The following C2orf76 variants were observed in gnomAD, a reference collection of about 807,000 sequenced individuals.
C2orf76 encodes chromosome 2 open reading frame 76, also known as UPF0538 protein C2orf76.
Under a neutral mutation model 16.9 loss-of-function variants are expected in C2orf76, and 23 were observed. That is an observed-to-expected ratio of 1.36 (90% CI 0.98 to 1.93). The LOEUF (loss-of-function observed/expected upper bound fraction) is 1.93, where lower values mean the gene tolerates loss of function less well. Among genes scored for constraint, C2orf76 ranks in the 30% most tolerant of loss-of-function variants. C2orf76 has a pLI of 0.00. For missense variants in C2orf76, 152 were observed against 152.6 expected (o/e 1.00, Z 0.02); for synonymous variants, 48 against 52.3 (o/e 0.92, Z 0.35).
At chr2:119,315,146 G>T (rs764993523) in intron 4 of C2orf76, among the ~76,000 whole-genome samples, 1 of 151,728 alleles carries the variant, frequency 6.6e-6, no homozygotes, top group Non-Finnish European at 1.5e-5. Context: ...AAATTATTCC[G>T]ACTTTATAAA....
the C2orf76 span, among the ~76,000 whole-genome samples, chr2:119,292,937 A>C: frequency 6.6e-6 from 1 of 150,704 alleles, no homozygotes; most frequent in Admixed American, 6.6e-5. Flanking sequence ...CAGGAGGCTG[A>C]GGCAGGAGAA....
intron 1 of C2orf76, among the ~76,000 whole-genome samples, chr2:119,365,677 C>T (rs987619657): frequency 6.6e-6 from 1 of 152,096 alleles, no homozygotes; most frequent in Non-Finnish European, 1.5e-5. Context: ...TCCATCATTT[C>T]CCTCTCTTCA....
intron 1 of C2orf76, among the ~76,000 whole-genome samples, chr2:119,356,383 C>A (rs568742273): frequency 7.5e-6 from 1 of 134,068 alleles, no homozygotes; most frequent in South Asian, 2.4e-4. Context: ...GGTGACAGAG[C>A]GAGACTCTGT....
At chr2:119,363,046 C>G (rs2104657763) in intron 1 of C2orf76, among the ~76,000 whole-genome samples, 1 of 152,118 alleles carries the variant, frequency 6.6e-6, no homozygotes, top group Non-Finnish European at 1.5e-5. Context: ...CAACTCTCAC[C>G]TCCCTCAGCC....
the C2orf76 span, among the ~76,000 whole-genome samples, chr2:119,292,919 C>T: frequency 6.6e-6 from 1 of 150,678 alleles, no homozygotes; most frequent in African/African-American, 2.4e-5. Flanking sequence ...CCTGTAGTCC[C>T]AGCTACTCAG....
At chr2:119,290,565 C>T in the C2orf76 span, among the ~76,000 whole-genome samples, 1 of 152,070 alleles carries the variant, frequency 6.6e-6, no homozygotes, top group African/African-American at 2.4e-5. Context: ...AGTGGTGGCT[C>T]ATGCCTGTAA....
intron 2 of C2orf76, among the ~76,000 whole-genome samples, chr2:119,328,645 ATT>A (rs1485530950): frequency 6.6e-6 from 1 of 151,888 alleles, no homozygotes. Flanking sequence ...TTTAGGTTTC[ATT>A]TGCTTTTCTG....
chr2:119,319,022 T>C (rs938816008), intron 3 of C2orf76, among the ~76,000 whole-genome samples: 4 of 152,032 alleles, frequency 2.6e-5, no homozygotes, highest in African/African-American at 9.7e-5. Flanking sequence ...TTACCTATCA[T>C]GTCCTTTTTC....
chr2:119,354,890 T>C (rs964921850), intron 1 of C2orf76, among the ~76,000 whole-genome samples: 1 of 152,238 alleles, frequency 6.6e-6, no homozygotes. Context: ...CTTTACTGCA[T>C]AATGACATTA....
chr2:119,298,437 C>G (rs1678571198), downstream of C2orf76, among the ~76,000 whole-genome samples: 1 of 151,370 alleles, frequency 6.6e-6, no homozygotes, highest in Non-Finnish European at 1.5e-5. Context: ...TTCCATTGAT[C>G]ATTTTATCTA....
intron 4 of C2orf76, among the ~76,000 whole-genome samples, chr2:119,314,801 C>T (rs1679113578): frequency 6.6e-6 from 1 of 152,128 alleles, no homozygotes; most frequent in African/African-American, 2.4e-5. Flanking sequence ...TGATTTTACG[C>T]TGTTGTATCT....
At chr2:119,345,751 G>A (rs961842085) in intron 1 of C2orf76, among the ~76,000 whole-genome samples, 2 of 152,150 alleles carry the variant, frequency 1.3e-5, no homozygotes, top group African/African-American at 2.4e-5. Context: ...AAGAATTACA[G>A]CTAAAAAGTA....
At chr2:119,365,975 T>TC (rs1314294183) in intron 1 of C2orf76, among the ~76,000 whole-genome samples, 6 of 152,162 alleles carry the variant, frequency 3.9e-5, no homozygotes, top group African/African-American at 1.4e-4. Context: ...TTTCTACTCT[T>TC]CCCCTGGTTC....
downstream of C2orf76, among the ~76,000 whole-genome samples, chr2:119,300,830 C>G (rs74494945): frequency 2.0e-5 from 3 of 152,108 alleles, no homozygotes; most frequent in Non-Finnish European, 4.4e-5. Context: ...TGTATGGGTA[C>G]TCAGTGTTTC....
rs1255991251 is a variant in C2orf76, at chr2:119,321,220, TA to T, written c.134-17del. 3 of 1,338,848 alleles carry T rather than the reference TA, an allele frequency of 2.2e-6. No homozygotes were observed. The highest frequency in any genetic ancestry group is 1.9e-4 in the Middle Eastern group (1 of 5,372). 82.9% of individuals were successfully genotyped at this position (1,338,848 alleles called of 1,614,324 possible). Reference sequence around the variant, plus strand: ...AAAGGGATATCTACAAGAGAAAGATTATTTTTTTACACAATAAGCAAATAGA... The same window carrying T: ...AAAGGGATATCTACAAGAGAAAGATTTTTTTTTACACAATAAGCAAATAGA... On this transcript the variant is annotated splice_polypyrimidine_tract_variant and intron_variant, in intron 2 of 5. Transcript: ENST00000334816.
At chr2:119,317,928 A>C (rs1015370144) in intron 3 of C2orf76, among the ~76,000 whole-genome samples, 42 of 152,358 alleles carry the variant, frequency 2.8e-4, no homozygotes, top group Middle Eastern at 3.4e-3. Flanking sequence ...TATAATGACA[A>C]GAGAGCAAAT....
At chr2:119,350,069 GC>G (rs1213961999) in intron 1 of C2orf76, among the ~76,000 whole-genome samples, 5 of 28,568 alleles carry the variant, frequency 1.8e-4, no homozygotes, top group Non-Finnish European at 2.8e-4. Context: ...CGCCCACACC[GC>G]CCCCCGCCCC....
At chr2:119,307,471 C>T (rs905776234) in intron 5 of C2orf76, among the ~76,000 whole-genome samples, 8 of 151,510 alleles carry the variant, frequency 5.3e-5, no homozygotes, top group Non-Finnish European at 8.8e-5. Context: ...TTTCAAGTAT[C>T]ATTTTCACAA....
rs115529632 is a variant in C2orf76 at position 119,334,268 on chromosome 2, G to A, written c.133+5559C>T. ...AAGTGAAGCACAGCGGATATTTTAG[G>A]CAGTGAAACTATTCTGTACGGCACT... On this transcript the variant is annotated intron_variant, in intron 2 of 5. Coordinates refer to ENST00000334816, the MANE Select transcript of C2orf76 (RefSeq NM_001322331.2). 4.1e-3 allele frequency among the ~76,000 whole-genome samples: 610 copies of A among 150,042 alleles called. 7 individuals carry two copies. Among genetic ancestry groups the A allele is most frequent in the Middle Eastern group, 0.014 (4 of 278 alleles).
Sources: gnomAD v4.1 joint callset for allele counts (sites outside exome capture counted in the v4.1 genomes callset) on GRCh38, gnomAD v4.1.1 for gene constraint, MANE v1.5 for transcripts, NCBI Gene and HGNC (gene_info 2026-07-23, HGNC 2026-07-21) for gene names.